PPFIBP2: variants seen among roughly 807,000 people sequenced by gnomAD.
PPFIBP2 encodes the protein liprin-beta-2.
A neutral mutation model predicts 118.3 loss-of-function variants in PPFIBP2; 118 were observed. That is an observed-to-expected ratio of 1.00 (90% CI 0.86 to 1.16). PPFIBP2 has a LOEUF of 1.16. PPFIBP2 is among the 50% of genes most tolerant of loss of function. The pLI is 0.00. For missense variants in PPFIBP2, 1,195 were observed against 1,073.1 expected, an observed-to-expected ratio of 1.11 and a Z score of -1.59; for synonymous variants, 414 against 397.4, an observed-to-expected ratio of 1.04 and a Z score of -0.50.
chr11:7,597,854 C>A, intron 5 of PPFIBP2, 181 bp downstream of exon 5: 1 of 578,280 alleles, frequency 1.7e-6, no homozygotes, highest in Non-Finnish European at 3.1e-6. Context: ...TTGAGAGTGG[C>A]AGAGGGGGTA....
chr11:7,541,216 T>G (rs1851742941), intron 1 of PPFIBP2, among the ~76,000 whole-genome samples: 1 of 152,256 alleles, frequency 6.6e-6, no homozygotes, highest in South Asian at 2.1e-4. Flanking sequence ...GCTGGGCCTC[T>G]TGCTTGATTA....
chr11:7,654,536 G>C (rs753134252), downstream of PPFIBP2, among the ~76,000 whole-genome samples: 1 of 152,248 alleles, frequency 6.6e-6, no homozygotes, highest in Non-Finnish European at 1.5e-5. Flanking sequence ...ACTACCAGCA[G>C]CCTCAGGCAT....
intron 1 of PPFIBP2, chr11:7,538,164 A>T (rs769326291): frequency 3.9e-5 from 6 of 152,304 alleles, no homozygotes; most frequent in Non-Finnish European, 8.8e-5. Context: ...TCAGAACCTC[A>T]GACTCACACC....
intron 11 of PPFIBP2, chr11:7,632,587 A>G (rs1210940683): frequency 1.3e-5 from 3 of 234,800 alleles, no homozygotes; most frequent in Non-Finnish European, 8.4e-6. Context: ...GAGCAGAAAA[A>G]GCCCAAGAAC....
At chr11:7,585,771 G>T (rs1858043550) in intron 3 of PPFIBP2, among the ~76,000 whole-genome samples, 1 of 152,240 alleles carries the variant, frequency 6.6e-6, no homozygotes, top group Non-Finnish European at 1.5e-5. Context: ...AGCCACTGCA[G>T]TCAGAGGGTG....
intron 6 of PPFIBP2, among the ~76,000 whole-genome samples, chr11:7,614,716 A>G (rs1041950135): frequency 2.6e-5 from 4 of 152,220 alleles, no homozygotes; most frequent in Admixed American, 6.5e-5. Context: ...TGTAATGTAT[A>G]TAAACTGAGC....
intron 1 of PPFIBP2, among the ~76,000 whole-genome samples, chr11:7,522,637 G>T (rs1353616154): frequency 6.6e-6 from 1 of 152,148 alleles, no homozygotes. Context: ...GACCAGGTTT[G>T]GGGTGAATTC....
chr11:7,603,283 A>T (rs1297797728), intron 5 of PPFIBP2, among the ~76,000 whole-genome samples: 1 of 152,200 alleles, frequency 6.6e-6, no homozygotes, highest in Non-Finnish European at 1.5e-5. Context: ...GGGAATCCAG[A>T]CTACAGGGCA....
rs368051958 is a variant in PPFIBP2 at position 7,642,445 on chromosome 11, T to G, written c.1646+19T>G. 6.2e-7 allele frequency: 1 copy of G among 1,602,206 alleles called. No individual in the cohort carries two copies. Among genetic ancestry groups the G allele is most frequent in the Non-Finnish European group, 8.5e-7 (1 of 1,172,980 alleles). On this transcript the variant is annotated intron_variant, in intron 17 of 23. Transcript: ENST00000299492. The stretch of plus-strand genomic sequence containing the variant: ...AGAAAAGGTAAGGCTTGACCCACTT[T>G]CCTTTGATCTCCCTGCTCTGAAAAA...
Position 7,648,860 on chromosome 11 carries a change from A to G in PPFIBP2, c.1858A>G (p.Asn620Asp), listed in dbSNP as rs1197738861. 2 of 1,614,184 alleles carry G rather than the reference A, an allele frequency of 1.2e-6. No homozygotes were observed. Among genetic ancestry groups the G allele is most frequent in the South Asian group, 1.1e-5 (1 of 91,086 alleles). ...GCTTGTTTTAGCAGTGAAAGCCATC[A>G]ACACCAAACAGGAGGAGAAGTCTGC... ...KKLVLAVKAINTKQEEKSALL... is the reference protein window; with the variant it reads ...KKLVLAVKAIDTKQEEKSALL... The change falls in exon 19 of 24, where the codon AAC becomes GAC. Residue 620 changes from asparagine (N) to aspartate (D), a missense_variant. By Grantham distance (23) the Asn-to-Asp change is conservative (BLOSUM62 1). Transcript: ENST00000299492.
At chr11:7,617,140 A>G (rs995302008) in intron 6 of PPFIBP2, 19 of 985,180 alleles carry the variant, frequency 1.9e-5, no homozygotes, top group Non-Finnish European at 2.3e-5. Context: ...AGTGAGCTGC[A>G]GGAGCAGATG....
In PPFIBP2 at chr11:7,653,328, T is replaced by G; in HGVS notation, c.*110T>G. The stretch of plus-strand genomic sequence containing the variant: ...ACGTGTGCATGACTCGCAGAGAATA[T>G]TCCAGCAATTGTGTACCCCTGGGCC... On this transcript the variant is annotated 3_prime_UTR_variant, in exon 24 of 24. Transcript: ENST00000299492. The G allele has an allele frequency of 2.0e-6, 3 of 1,520,130 alleles. No individual in the cohort carries two copies. The highest frequency in any genetic ancestry group is 2.6e-6 in the Non-Finnish European group (3 of 1,138,040). 94.2% of individuals were successfully genotyped at this position (1,520,130 alleles called of 1,614,324 possible).
chr11:7,632,898 G>A lies in PPFIBP2; in HGVS notation c.1100G>A (p.Gly367Glu). The change falls in exon 12 of 24, where the codon GGG (glycine) becomes GAG (glutamate). Residue 367 changes from glycine (G) to glutamate (E), a missense_variant. By Grantham distance (98) the Gly-to-Glu change is moderately conservative (BLOSUM62 -2). Coordinates refer to ENST00000299492, the MANE Select transcript of PPFIBP2 (RefSeq NM_003621.5). ...CCAAGATGTAGCTCTCCTACAGTGG[G>A]GCCACCTCCATTGCCACAGAAATCA... is the stretch of plus-strand genomic sequence containing the variant. Reference protein sequence around the residue: ...MPPRCSSPTVGPPPLPQKSLE... With the variant: ...MPPRCSSPTVEPPPLPQKSLE... 1 of 1,613,900 alleles carries A rather than the reference G, an allele frequency of 6.2e-7. No homozygotes were observed. Among genetic ancestry groups the A allele is most frequent in the Non-Finnish European group, 8.5e-7 (1 of 1,179,848 alleles).
chr11:7,666,761 A>AACCTCCATGGGAT, the PPFIBP2 span: 20 of 456,946 alleles, frequency 4.4e-5, no homozygotes, highest in Admixed American at 1.4e-4. Context: ...GTGGATGAAG[A>AACCTCCATGGGAT]ACCTCCATGG....
chr11:7,544,573 GA>G (rs1238943947), intron 1 of PPFIBP2, among the ~76,000 whole-genome samples: 2 of 151,928 alleles, frequency 1.3e-5, no homozygotes, highest in African/African-American at 4.8e-5. Flanking sequence ...AGGAGATCGA[GA>G]CCATCCTGGC....
At chr11:7,546,770 G>C (rs7105146) in intron 1 of PPFIBP2, among the ~76,000 whole-genome samples, 1 of 152,080 alleles carries the variant, frequency 6.6e-6, no homozygotes, top group East Asian at 1.9e-4. Context: ...CACACTCTCT[G>C]CCTGGAACAG....
chr11:7,643,622 G>T (rs1852542090), intron 17 of PPFIBP2, among the ~76,000 whole-genome samples: 1 of 152,210 alleles, frequency 6.6e-6, no homozygotes, highest in African/African-American at 2.4e-5. Context: ...AAATGAATTT[G>T]CTCGTGGAAA....
intron 1 of PPFIBP2, among the ~76,000 whole-genome samples, chr11:7,527,073 A>T (rs904229251): frequency 2.0e-5 from 3 of 150,606 alleles, no homozygotes; most frequent in Admixed American, 2.0e-4. Flanking sequence ...GACACTGGTC[A>T]CAAGAATGTC....
the PPFIBP2 span, chr11:7,666,384 G>T: frequency 1.0e-6 from 1 of 1,000,188 alleles, no homozygotes; most frequent in Non-Finnish European, 1.6e-6. Flanking sequence ...AAGAGACAGA[G>T]ACCAGTCCTC....
Sources: gnomAD v4.1 joint callset for allele counts (sites outside exome capture counted in the v4.1 genomes callset) on GRCh38, gnomAD v4.1.1 for gene constraint, MANE v1.5 for transcripts, NCBI Gene and HGNC (gene_info 2026-07-23, HGNC 2026-07-21) for gene names.